Variants in TTLL11 observed in about 807,000 individuals in gnomAD.
TTLL11 encodes tubulin polyglutamylase TTLL11.
TTLL11 carries 42 observed loss-of-function variants against 51.7 expected under a neutral mutation model. The ratio of observed to expected loss-of-function variants is 0.81; its 90% confidence interval spans 0.64 to 1.05. The LOEUF is 1.05. Among genes scored for constraint, TTLL11 ranks in the 50% least tolerant of loss-of-function variants. The pLI is 0.00. For missense variants in TTLL11, 799 were observed against 940.4 expected (o/e 0.85, Z 1.97); for synonymous variants, 381 against 383.5 (o/e 0.99, Z 0.08).
chr9:121,937,611 A>C (rs1841286018), intron 6 of TTLL11, among the ~76,000 whole-genome samples: 1 of 150,428 alleles, frequency 6.6e-6, no homozygotes, highest in Non-Finnish European at 1.5e-5. Context: ...TGCTTAATAA[A>C]TGTTTGGTGA....
chr9:122,000,118 G>A (rs2131721197), intron 3 of TTLL11, among the ~76,000 whole-genome samples: 1 of 152,284 alleles, frequency 6.6e-6, no homozygotes, highest in South Asian at 2.1e-4. Flanking sequence ...TTCGCAGAAG[G>A]TGAAGGCATT....
chr9:121,965,120 C>T (rs1842362219), intron 6 of TTLL11, among the ~76,000 whole-genome samples: 1 of 152,162 alleles, frequency 6.6e-6, no homozygotes, highest in African/African-American at 2.4e-5. Flanking sequence ...TTCTCTGTGA[C>T]CCAGACTTTT....
At chr9:122,022,042 T>C (rs10985491) in intron 3 of TTLL11, among the ~76,000 whole-genome samples, 6,700 of 152,216 alleles carry the variant, frequency 0.044, 174 homozygotes, top group African/African-American at 0.073. Flanking sequence ...TCGACAAGAA[T>C]GAAAAAAATG....
chr9:121,870,093 C>A (rs1838305579), intron 7 of TTLL11, among the ~76,000 whole-genome samples: 1 of 152,156 alleles, frequency 6.6e-6, no homozygotes, highest in Admixed American at 6.5e-5. Flanking sequence ...CTGAAACTGA[C>A]ACTTTGGAAA....
chr9:122,049,050 T>A (rs994870017), intron 1 of TTLL11, among the ~76,000 whole-genome samples: 1 of 150,984 alleles, frequency 6.6e-6, no homozygotes, highest in African/African-American at 2.4e-5. Flanking sequence ...ATCTTCCACA[T>A]GAGCTTAGGA....
chr9:122,047,881 C>T (rs1415228957), intron 1 of TTLL11, among the ~76,000 whole-genome samples: 1 of 152,148 alleles, frequency 6.6e-6, no homozygotes, highest in Non-Finnish European at 1.5e-5. Flanking sequence ...GGGGTGTAAC[C>T]AGGTATCTGG....
chr9:121,833,867 G>A (rs1167043935), intron 8 of TTLL11, among the ~76,000 whole-genome samples: 2 of 152,154 alleles, frequency 1.3e-5, no homozygotes, highest in African/African-American at 4.8e-5. Flanking sequence ...AAAAATACCT[G>A]AGCTTCCTTG....
At chr9:121,862,405 T>C (rs1838039326) in intron 7 of TTLL11, among the ~76,000 whole-genome samples, 1 of 152,216 alleles carries the variant, frequency 6.6e-6, no homozygotes, top group Non-Finnish European at 1.5e-5. Context: ...GAACCCAGCA[T>C]GGTGCCTGTC....
chr9:122,009,347 AATG>A (rs1019129650), intron 3 of TTLL11, among the ~76,000 whole-genome samples: 8 of 152,250 alleles, frequency 5.3e-5, no homozygotes, highest in South Asian at 2.1e-4. Flanking sequence ...AACATAACAA[AATG>A]ATAATTTTAT....
intron 6 of TTLL11, among the ~76,000 whole-genome samples, chr9:121,912,270 G>A (rs1208296727): frequency 6.6e-6 from 1 of 152,194 alleles, no homozygotes; most frequent in African/African-American, 2.4e-5. Flanking sequence ...TGGAGGCCAT[G>A]TGGTGCCTGC....
chr9:121,974,161 C>T (rs557992516), intron 5 of TTLL11, 37 bp from the exon 6 acceptor site: 12 of 1,476,598 alleles, frequency 8.1e-6, no homozygotes, highest in South Asian at 6.1e-5. Context: ...CAGTGGAGAC[C>T]GTGATTCCGT....
chr9:121,846,410 A>G (rs780994375), intron 8 of TTLL11, among the ~76,000 whole-genome samples: 1 of 152,232 alleles, frequency 6.6e-6, no homozygotes, highest in Non-Finnish European at 1.5e-5. Flanking sequence ...AGTTGAACAT[A>G]GCAGCACCAT....
At chr9:121,936,513 A>AT (rs1841227474) in intron 6 of TTLL11, among the ~76,000 whole-genome samples, 1 of 152,134 alleles carries the variant, frequency 6.6e-6, no homozygotes, top group Non-Finnish European at 1.5e-5. Flanking sequence ...GGACCCAGAA[A>AT]TCCTGTTTCT....
chr9:121,862,937 C>T (rs1005488268), intron 7 of TTLL11, among the ~76,000 whole-genome samples: 7 of 152,124 alleles, frequency 4.6e-5, no homozygotes, highest in African/African-American at 1.7e-4. Context: ...CCTCTCCAAA[C>T]CCAAGCGCAC....
chr9:122,089,234 G>C (rs1266114549), intron 1 of TTLL11, among the ~76,000 whole-genome samples: 2 of 152,052 alleles, frequency 1.3e-5, no homozygotes, highest in African/African-American at 2.4e-5. Context: ...TCCCACCAAA[G>C]CCAGCCACCT....
intron 6 of TTLL11, among the ~76,000 whole-genome samples, chr9:121,892,781 G>C (rs2131447013): frequency 6.6e-6 from 1 of 152,340 alleles, no homozygotes; most frequent in East Asian, 1.9e-4. Context: ...TGCCTGCCCA[G>C]AAGTGAGGTC....
rs75172695 is a variant in TTLL11, at chr9:121,835,826, T to G, written c.1841-12947A>C. Reference sequence around the variant, plus strand: ...ATCTGGGAAGACAGGGCCACAGTTCTAGTCACTGCTTCCTGCAACTGCTTC... The same window carrying G: ...ATCTGGGAAGACAGGGCCACAGTTCGAGTCACTGCTTCCTGCAACTGCTTC... On this transcript the variant is annotated intron_variant, in intron 8 of 8. Coordinates refer to ENST00000321582, the MANE Select transcript of TTLL11 (RefSeq NM_001139442.2). Among the ~76,000 whole-genome samples, 1,171 of 152,314 alleles carry G rather than the reference T, an allele frequency of 7.7e-3. 19 individuals are homozygous for G. Among genetic ancestry groups the G allele is most frequent in the African/African-American group, 0.027 (1,125 of 41,564 alleles).
chr9:121,938,166 G>A (rs1177601841), intron 6 of TTLL11, among the ~76,000 whole-genome samples: 1 of 151,974 alleles, frequency 6.6e-6, no homozygotes, highest in East Asian at 1.9e-4. Context: ...GTGGGCACCT[G>A]TAGTCCCCGC....
intron 3 of TTLL11, among the ~76,000 whole-genome samples, chr9:122,019,611 G>A (rs1844104838): frequency 1.3e-5 from 2 of 151,984 alleles, no homozygotes; most frequent in Non-Finnish European, 2.9e-5. Flanking sequence ...CACCACACCC[G>A]GTAAATCGTT....
Sources: gnomAD v4.1 joint callset for allele counts (sites outside exome capture counted in the v4.1 genomes callset) on GRCh38, gnomAD v4.1.1 for gene constraint, MANE v1.5 for transcripts, NCBI Gene and HGNC (gene_info 2026-07-23, HGNC 2026-07-21) for gene names.